Variants in MUC22 observed in about 807,000 individuals in gnomAD.
The protein encoded by MUC22 is mucin 22, also known as mucin-22.
MUC22 carries 24 observed loss-of-function variants against 40.3 expected under a neutral mutation model. The observed-to-expected ratio is 0.60, with a 90% confidence interval of 0.43 to 0.84. The LOEUF (loss-of-function observed/expected upper bound fraction) is 0.84, where lower values mean the gene tolerates loss of function less well. Among genes scored for constraint, MUC22 ranks in the 40% least tolerant of loss-of-function variants. MUC22 has a pLI of 0.00. For missense variants in MUC22, 1,926 were observed against 2,130.7 expected, an observed-to-expected ratio of 0.90 and a Z score of 1.89; for synonymous variants, 765 against 844.5, an observed-to-expected ratio of 0.91 and a Z score of 1.63.
chr6:31,028,362 C>T, exon 2 of MUC22: 1 of 1,534,258 alleles, frequency 6.5e-7, no homozygotes, highest in South Asian at 1.2e-5. Flanking sequence ...TTACTACAGC[C>T]TCCATCACAG....
upstream of MUC22, among the ~76,000 whole-genome samples, chr6:31,009,972 A>G (rs1763753074): frequency 6.6e-6 from 1 of 152,086 alleles, no homozygotes; most frequent in South Asian, 2.1e-4. Context: ...CAGGGAGTGG[A>G]GTGTATCACT....
chr6:31,029,354 C>A (rs1259729809), exon 2 of MUC22: 6 of 1,534,252 alleles, frequency 3.9e-6, no homozygotes, highest in Non-Finnish European at 5.2e-6. Flanking sequence ...ACTACCACCA[C>A]CTCTACTGAA....
At chr6:31,035,251 TC>T in exon 4 of MUC22, 2 of 355,004 alleles carry the variant, frequency 5.6e-6, no homozygotes, top group South Asian at 8.9e-5. Flanking sequence ...TTGTGGGGAG[TC>T]ACGACAACCA....
rs79904568 is a variant in MUC22, at chr6:31,014,608, G to A, written c.70+3832G>A. On this transcript the variant is annotated intron_variant, in intron 1 of 3. Transcript: ENST00000561890. ...TATTTTAAAACCTTATGCACTGTTA[G>A]GGTAATGCTAAGCTGCTGTAACAAG... Among the ~76,000 whole-genome samples the A allele has an allele frequency of 7.7e-3, 1,169 of 152,276 alleles. 14 individuals are homozygous for A. Among genetic ancestry groups the A allele is most frequent in the African/African-American group, 0.026 (1,086 of 41,532 alleles).
exon 4 of MUC22, chr6:31,034,911 GCATTATGGA>G: frequency 1.3e-6 from 2 of 1,535,646 alleles, no homozygotes; most frequent in Non-Finnish European, 1.7e-6. Context: ...ATCATGGCGG[GCATTATGGA>G]CATGGAGGAG....
At chr6:31,017,593 A>G (rs1335940442) in intron 1 of MUC22, among the ~76,000 whole-genome samples, 1 of 152,176 alleles carries the variant, frequency 6.6e-6, no homozygotes, top group Non-Finnish European at 1.5e-5. Flanking sequence ...AGGTTTGTAA[A>G]CATACCAATC....
At chr6:31,024,765 C>G (rs1312684657) in intron 1 of MUC22, among the ~76,000 whole-genome samples, 1 of 152,138 alleles carries the variant, frequency 6.6e-6, no homozygotes, top group Admixed American at 6.5e-5. Flanking sequence ...CCCTGGTCTC[C>G]TATTTATTCA....
At chr6:31,021,228 G>A (rs1445318283) in intron 1 of MUC22, among the ~76,000 whole-genome samples, 3 of 152,238 alleles carry the variant, frequency 2.0e-5, no homozygotes, top group Non-Finnish European at 4.4e-5. Context: ...CTAGCTTAGG[G>A]ATTGTAAATA....
rs1354146077 is a variant in MUC22 at position 31,032,719 on chromosome 6, A to T, written c.5055+138A>T. The T allele has an allele frequency of 3.2e-6, 3 of 937,902 alleles. No individual in the cohort carries two copies. Among genetic ancestry groups the T allele is most frequent in the Non-Finnish European group, 4.7e-6 (3 of 644,612 alleles). The allele number at this position is 937,902 out of a possible 1,614,324, so 58.1% of individuals were successfully genotyped here. A position where few individuals can be genotyped will look rare whatever the true frequency, so the allele number is the denominator to read the frequency against. Reference sequence around the variant, plus strand: ...CAGAAGGAAAGAATCACCTAGCCTGATATAAGGACCAGAGAGAATGCTTAA... The same window carrying T: ...CAGAAGGAAAGAATCACCTAGCCTGTTATAAGGACCAGAGAGAATGCTTAA... On this transcript the variant is annotated intron_variant, in intron 3 of 3. Coordinates refer to ENST00000561890, the Ensembl canonical transcript of MUC22. The surrounding 1 kb of genome is among the most constrained non-coding windows in gnomAD (Gnocchi z 4.1).
chr6:31,027,261 C>T, exon 2 of MUC22: 1 of 1,501,188 alleles, frequency 6.7e-7, no homozygotes, highest in Non-Finnish European at 8.9e-7. Flanking sequence ...CAGCCTCCAT[C>T]ATGGGCTCTG....
exon 2 of MUC22, chr6:31,028,150 A>G (rs1259791958): frequency 1.3e-6 from 2 of 1,532,914 alleles, no homozygotes; most frequent in South Asian, 1.2e-5. Context: ...TGAGACCACC[A>G]TGGTCTCTAC....
chr6:31,023,733 G>A (rs1301380447), intron 1 of MUC22, among the ~76,000 whole-genome samples: 2 of 152,010 alleles, frequency 1.3e-5, no homozygotes, highest in Non-Finnish European at 2.9e-5. Context: ...AAAATAAGAG[G>A]AAGAAAGATA....
chr6:31,018,489 AGTT>A (rs1169280296), intron 1 of MUC22, among the ~76,000 whole-genome samples: 1 of 151,990 alleles, frequency 6.6e-6, no homozygotes, highest in African/African-American at 2.4e-5. Context: ...TGTGTTGGAG[AGTT>A]ACCACTCATC....
In MUC22 at chr6:31,030,046, C is replaced by T. The variant is rs534810969; in HGVS notation, c.4615C>T (p.Leu1539Phe). ...CACTGTCTCTTCCACCACGTTTGTA[C>T]TCACCAAGGCCACTGACGTTTCTAT... is the stretch of plus-strand genomic sequence containing the variant. Residue 1539 changes from leucine (L) to phenylalanine (F), a missense_variant, in exon 2 of 4, where the codon CTC becomes TTC. Physicochemically the swap from Leu to Phe is conservative, Grantham distance 22. Around this residue, in one of 3 missense-constraint regions of MUC22, gnomAD observed 610 missense variants for 714.6 expected, o/e 0.85. Coordinates refer to ENST00000561890, the Ensembl canonical transcript of MUC22. 26 of 1,535,592 alleles carry T rather than the reference C, an allele frequency of 1.7e-5. No homozygotes were observed. The African/African-American group carries it at 3.4e-4, about 20-fold the overall frequency.
chr6:31,032,247 C>T lies in MUC22; in HGVS notation c.4721C>T (p.Ala1574Val). ...ACTGCCTCCAGCTCTGTCACCATGG[C>T]CCCTGGAATGGACTTCACGGCCTCT... Residue 1574 changes from alanine to valine, a missense_variant, in exon 3 of 4, where the codon GCC (alanine) becomes GTC (valine). By Grantham distance (64) the Ala-to-Val change is moderately conservative. This residue lies in a region of MUC22 where 610 missense variants were observed against 714.6 expected (regional missense o/e 0.85). Coordinates refer to ENST00000561890, the Ensembl canonical transcript of MUC22. This position sits in a 1 kb window ranked among gnomAD's most constrained non-coding sequence, Gnocchi z 4.1. 1 of 1,535,592 alleles carries T rather than the reference C, an allele frequency of 6.5e-7. No homozygotes were observed. The highest frequency in any genetic ancestry group is 1.2e-5 in the South Asian group (1 of 84,052).
chr6:31,019,645 G>C (rs1764524186), intron 1 of MUC22, among the ~76,000 whole-genome samples: 1 of 152,230 alleles, frequency 6.6e-6, no homozygotes, highest in South Asian at 2.1e-4. Flanking sequence ...CCTGAGGTCA[G>C]GAGTTCGAGG....
intron 1 of MUC22, among the ~76,000 whole-genome samples, chr6:31,020,240 G>A (rs12528975): frequency 0.05 from 7,391 of 148,246 alleles, 226 homozygotes; most frequent in South Asian, 0.12. Context: ...GTATAGAGAG[G>A]AGCAAAGACA....
chr6:31,032,140 T>C lies in MUC22; in HGVS notation c.4670-56T>C, dbSNP rs924276625. On this transcript the variant is annotated intron_variant, in intron 2 of 3. Transcript: ENST00000561890. This position sits in a 1 kb window ranked among gnomAD's most constrained non-coding sequence, Gnocchi z 4.1. ...CCCTCCTCTGGTCTAAGCACCCCCA[T>C]TCCCCTTTAATCATCTCTGCTACAA... 3 of 1,486,558 alleles carry C rather than the reference T, an allele frequency of 2.0e-6. No individual in the cohort carries two copies. Among genetic ancestry groups the C allele is most frequent in the South Asian group, 1.3e-5 (1 of 74,264 alleles). The allele number at this position is 1,486,558 out of a possible 1,614,324, so 92.1% of individuals were successfully genotyped here.
chr6:31,034,056 A>G (rs1766270728), intron 3 of MUC22, among the ~76,000 whole-genome samples: 1 of 152,256 alleles, frequency 6.6e-6, no homozygotes, highest in South Asian at 2.1e-4. Context: ...CTGAATGTTT[A>G]AAATGCATAA....
Sources: allele counts gnomAD v4.1 joint callset (sites outside exome capture counted in the v4.1 genomes callset), GRCh38; gene constraint gnomAD v4.1.1; regional missense constraint gnomAD v4.1.1; non-coding constraint Gnocchi (gnomAD v3.1); transcripts MANE v1.5; gene names NCBI Gene and HGNC (gene_info 2026-07-23, HGNC 2026-07-21).